The following NEK11 variants were observed in gnomAD, a reference collection of about 807,000 sequenced individuals.
NEK11 encodes NIMA related kinase 11.
A neutral mutation model predicts 80.7 loss-of-function variants in NEK11; 72 were observed. That is an observed-to-expected ratio of 0.89 (90% confidence interval 0.74 to 1.08). The LOEUF (loss-of-function observed/expected upper bound fraction) is 1.08, where lower values mean the gene tolerates loss of function less well. NEK11 is among the 50% of genes least tolerant of loss of function. NEK11 has a pLI of 0.00. For synonymous variants in NEK11, 251 were observed against 260.7 expected (o/e 0.96, Z 0.36); for missense variants, 764 against 763.6 (o/e 1.00, Z -0.01).
chr3:131,206,355 A>G (rs1028079090), intron 14 of NEK11, among the ~76,000 whole-genome samples: 2 of 152,244 alleles, frequency 1.3e-5, no homozygotes, highest in African/African-American at 4.8e-5. Context: ...GCAAGTTTCT[A>G]TTTGTTAAGA....
intron 17 of NEK11, among the ~76,000 whole-genome samples, chr3:131,340,812 C>A (rs1215913476): frequency 6.6e-6 from 1 of 152,052 alleles, no homozygotes; most frequent in Non-Finnish European, 1.5e-5. Flanking sequence ...GGCAAAACAA[C>A]CTGTAAATGA....
At chr3:131,308,181 C>T (rs376699749) in intron 17 of NEK11, among the ~76,000 whole-genome samples, 32 of 152,274 alleles carry the variant, frequency 2.1e-4, no homozygotes, top group African/African-American at 7.7e-4. Context: ...AGCACAATTA[C>T]TATTATTGAT....
chr3:131,152,953 G>A (rs1294304241), intron 9 of NEK11, among the ~76,000 whole-genome samples: 1 of 152,132 alleles, frequency 6.6e-6, no homozygotes, highest in Non-Finnish European at 1.5e-5. Context: ...TGGGCGTGGT[G>A]GTGCGTGTCT....
intron 14 of NEK11, among the ~76,000 whole-genome samples, chr3:131,209,136 C>G (rs910481550): frequency 2.6e-5 from 4 of 152,128 alleles, no homozygotes; most frequent in African/African-American, 7.2e-5. Context: ...TGAGCTACGT[C>G]CCATCAATAC....
intron 17 of NEK11, among the ~76,000 whole-genome samples, chr3:131,331,895 G>A (rs557886745): frequency 7.9e-5 from 12 of 152,336 alleles, no homozygotes; most frequent in Non-Finnish European, 1.3e-4. Flanking sequence ...ACTGCAAGGC[G>A]GCAGCGAGGC....
chr3:131,129,112 G>A (rs919153845), intron 5 of NEK11, among the ~76,000 whole-genome samples: 9 of 135,412 alleles, frequency 6.6e-5, no homozygotes, highest in African/African-American at 1.7e-4. Context: ...TGTCAGAGTC[G>A]CAATCTTGGC....
At chr3:131,105,121 G>C (rs2078995009) in intron 4 of NEK11, among the ~76,000 whole-genome samples, 1 of 152,216 alleles carries the variant, frequency 6.6e-6, no homozygotes, top group African/African-American at 2.4e-5. Context: ...CTTCTAGTCA[G>C]TCATCTTGGC....
chr3:131,067,551 T>C (rs146483610), intron 3 of NEK11, among the ~76,000 whole-genome samples: 1 of 152,320 alleles, frequency 6.6e-6, no homozygotes, highest in Non-Finnish European at 1.5e-5. Flanking sequence ...ACAGCAATAG[T>C]ACTAATAGTA....
chr3:131,177,348 T>C (rs1319799479), intron 14 of NEK11, among the ~76,000 whole-genome samples: 1 of 152,202 alleles, frequency 6.6e-6, no homozygotes, highest in African/African-American at 2.4e-5. Flanking sequence ...AATACCAATC[T>C]GAAAAATTTA....
chr3:131,329,500 T>G (rs956102533), intron 17 of NEK11: 7 of 151,390 alleles, frequency 4.6e-5, no homozygotes, highest in Admixed American at 2.0e-4. Context: ...CGTGTTTTCA[T>G]GGACCTTATA....
chr3:131,075,510 GC>G (rs1242515080), intron 3 of NEK11, among the ~76,000 whole-genome samples: 3 of 151,544 alleles, frequency 2.0e-5, no homozygotes, highest in Non-Finnish European at 4.4e-5. Flanking sequence ...ATTACTCTCT[GC>G]CATTATATAT....
intron 14 of NEK11, among the ~76,000 whole-genome samples, chr3:131,188,970 G>A (rs1284637451): frequency 6.6e-6 from 1 of 152,134 alleles, no homozygotes; most frequent in African/African-American, 2.4e-5. Context: ...ATTACAGTGG[G>A]CCCTGAATCC....
chr3:131,167,212 T>C (rs1429600179), intron 12 of NEK11, among the ~76,000 whole-genome samples: 1 of 152,192 alleles, frequency 6.6e-6, no homozygotes, highest in Non-Finnish European at 1.5e-5. Context: ...TCACCTCAGA[T>C]GAGGGAAGAC....
At chr3:131,197,230 T>C (rs1388327294) in intron 14 of NEK11, among the ~76,000 whole-genome samples, 1 of 152,042 alleles carries the variant, frequency 6.6e-6, no homozygotes, top group Non-Finnish European at 1.5e-5. Context: ...CCAAGTGCTG[T>C]TGGGGAGGAT....
chr3:131,092,666 C>T (rs773468847), intron 4 of NEK11, among the ~76,000 whole-genome samples: 16 of 152,122 alleles, frequency 1.1e-4, no homozygotes, highest in Non-Finnish European at 2.1e-4. Flanking sequence ...ATAGCCTTTG[C>T]AATAGAGTCA....
At chr3:131,324,321 A>AACTC (rs1398518461) in intron 17 of NEK11, among the ~76,000 whole-genome samples, 1 of 152,178 alleles carries the variant, frequency 6.6e-6, no homozygotes, top group East Asian at 1.9e-4. Flanking sequence ...TCCTTGTTGA[A>AACTC]ACTCACCAAA....
intron 14 of NEK11, among the ~76,000 whole-genome samples, chr3:131,179,177 A>G (rs2093209343): frequency 6.6e-6 from 1 of 152,174 alleles, no homozygotes; most frequent in Non-Finnish European, 1.5e-5. Flanking sequence ...TCAAGCAATA[A>G]TACGCCATGT....
chr3:131,181,659 T>A (rs1457874352), intron 14 of NEK11, among the ~76,000 whole-genome samples: 1 of 139,812 alleles, frequency 7.2e-6, no homozygotes. Context: ...GGCAGGAGAA[T>A]GGCGTGAACT....
intron 5 of NEK11, among the ~76,000 whole-genome samples, chr3:131,118,393 T>C (rs2081692407): frequency 6.6e-6 from 1 of 152,180 alleles, no homozygotes; most frequent in African/African-American, 2.4e-5. Flanking sequence ...TTATTGAGGA[T>C]TTTTGCATCG....
Sources: gnomAD v4.1 joint callset for allele counts (sites outside exome capture counted in the v4.1 genomes callset) on GRCh38, gnomAD v4.1.1 for gene constraint, MANE v1.5 for transcripts, NCBI Gene and HGNC (gene_info 2026-07-23, HGNC 2026-07-21) for gene names.